ADCY9: variants seen among roughly 807,000 people sequenced by gnomAD.
The protein encoded by ADCY9 is adenylate cyclase type 9.
In ADCY9, 50 loss-of-function variants were observed where a neutral mutation model predicts 101.5. The ratio of observed to expected loss-of-function variants is 0.49; its 90% confidence interval spans 0.39 to 0.62. The LOEUF (loss-of-function observed/expected upper bound fraction) is 0.62. Among genes scored for constraint, ADCY9 ranks in the 20% least tolerant of loss-of-function variants. The pLI is 0.00. For missense variants in ADCY9, 1,662 were observed against 1,800.4 expected (o/e 0.92, Z 1.39); for synonymous variants, 905 against 769.3 (o/e 1.18, Z -2.92).
chr16:4,006,032 G>C (rs1235819988), intron 3 of ADCY9, among the ~76,000 whole-genome samples: 1 of 152,134 alleles, frequency 6.6e-6, no homozygotes, highest in African/African-American at 2.4e-5. Flanking sequence ...GGGAATCTCA[G>C]ATACATGAGC....
At position 4,114,018 on chromosome 16, in the gene ADCY9, C is replaced by G; in HGVS notation, c.1425G>C (p.Gln475His). The change falls in exon 2 of 11, where the codon CAG becomes CAC. Residue 475 changes from glutamine (Q) to histidine (H), a missense_variant. Transcript: ENST00000294016. This position sits in a 1 kb window ranked among gnomAD's most constrained non-coding sequence, Gnocchi z 4.3. ...MGLGMIKAIE[Q>H]FCQEKKEMVN... Reference sequence around the variant, plus strand: ...CCATCTCCTTCTTCTCCTGGCAGAACTGCTCGATGGCCTTGATCATGCCCA... The same window carrying G: ...CCATCTCCTTCTTCTCCTGGCAGAAGTGCTCGATGGCCTTGATCATGCCCA... 1 of 1,613,894 alleles carries G rather than the reference C, an allele frequency of 6.2e-7. No homozygotes were observed. Among genetic ancestry groups the G allele is most frequent in the Non-Finnish European group, 8.5e-7 (1 of 1,180,046 alleles).
chr16:3,988,580 G>T (rs1209068985), intron 6 of ADCY9, among the ~76,000 whole-genome samples: 1 of 130,466 alleles, frequency 7.7e-6, no homozygotes, highest in Non-Finnish European at 1.6e-5. Flanking sequence ...GCAGGTGGGG[G>T]ACCCCTTCCA....
At chr16:4,035,882 C>T (rs1477598900) in intron 2 of ADCY9, among the ~76,000 whole-genome samples, 1 of 151,252 alleles carries the variant, frequency 6.6e-6, no homozygotes, top group African/African-American at 2.4e-5. Flanking sequence ...GATTGTAATC[C>T]CAGCTACTTG....
chr16:3,963,540 G>A lies in ADCY9; in HGVS notation c.*2235C>T. On this transcript the variant is annotated 3_prime_UTR_variant, in exon 11 of 11. Transcript: ENST00000294016. ...TAAGCTCTGGGTGAGTCTGCACGGG[G>A]CTGAACCAGACTCCACTTTGCAGCT... 2.6e-6 allele frequency: 1 copy of A among 383,770 alleles called. No homozygotes were observed. The allele number at this position is 383,770 out of a possible 1,614,324, so 23.8% of individuals were successfully genotyped here.
chr16:3,994,218 T>C (rs1017247698), intron 3 of ADCY9, among the ~76,000 whole-genome samples: 7 of 152,134 alleles, frequency 4.6e-5, no homozygotes, highest in Admixed American at 3.9e-4. Flanking sequence ...GCACCATCTG[T>C]GAAGCAGGAA....
chr16:4,025,062 A>C (rs1439784742), intron 2 of ADCY9, among the ~76,000 whole-genome samples: 1 of 151,790 alleles, frequency 6.6e-6, no homozygotes, highest in Non-Finnish European at 1.5e-5. Context: ...CTGAGGAGGG[A>C]CAAAGGGGTA....
At chr16:4,113,457 C>T (rs1567153458) in intron 2 of ADCY9, among the ~76,000 whole-genome samples, 1 of 152,176 alleles carries the variant, frequency 6.6e-6, no homozygotes, top group Non-Finnish European at 1.5e-5. Context: ...TTACATTCAC[C>T]GGACGTGCCC....
At chr16:4,072,918 T>TTAC (rs1023469906) in intron 2 of ADCY9, among the ~76,000 whole-genome samples, 5 of 149,416 alleles carry the variant, frequency 3.3e-5, no homozygotes, top group African/African-American at 1.2e-4. Flanking sequence ...CAGAAGGCAG[T>TTAC]GGTGTGATAT....
chr16:4,039,801 G>A (rs911503207), intron 2 of ADCY9, among the ~76,000 whole-genome samples: 2 of 152,148 alleles, frequency 1.3e-5, no homozygotes, highest in African/African-American at 4.8e-5. Context: ...CCCTTTGGGA[G>A]GTCGAGGCAG....
At chr16:4,097,553 A>ATATATATATATTTTTTT (rs1382458827) in intron 2 of ADCY9, among the ~76,000 whole-genome samples, 7 of 53,414 alleles carry the variant, frequency 1.3e-4, no homozygotes, top group South Asian at 9.3e-4. Flanking sequence ...ATATATATAT[A>ATATATATATATTTTTTT]TTTTTTTTTT....
At chr16:4,029,751 A>G (rs1248714511) in intron 2 of ADCY9, among the ~76,000 whole-genome samples, 1 of 152,160 alleles carries the variant, frequency 6.6e-6, no homozygotes, top group Non-Finnish European at 1.5e-5. Flanking sequence ...TCTCAAGACA[A>G]TACAAAACAA....
intron 2 of ADCY9, among the ~76,000 whole-genome samples, chr16:4,017,579 G>C (rs1309107730): frequency 1.3e-5 from 2 of 151,090 alleles, no homozygotes; most frequent in Non-Finnish European, 2.9e-5. Flanking sequence ...AGGAGGCAGA[G>C]GTTGCAGTGA....
At chr16:3,991,301 G>T (rs1184572182) in intron 5 of ADCY9, among the ~76,000 whole-genome samples, 1 of 152,164 alleles carries the variant, frequency 6.6e-6, no homozygotes, top group South Asian at 2.1e-4. Flanking sequence ...ATCAAAATTA[G>T]TATCACTAAT....
chr16:4,019,834 T>C (rs1232690551), intron 2 of ADCY9, among the ~76,000 whole-genome samples: 1 of 152,150 alleles, frequency 6.6e-6, no homozygotes, highest in Non-Finnish European at 1.5e-5. Context: ...TCCCAGCACT[T>C]TGGGAGGCCA....
At chr16:4,044,935 G>A (rs1000264486) in intron 2 of ADCY9, among the ~76,000 whole-genome samples, 1 of 152,104 alleles carries the variant, frequency 6.6e-6, no homozygotes, top group Admixed American at 6.6e-5. Context: ...GCTCCCGCAC[G>A]TGACTGCCAA....
rs191389004 is a variant in ADCY9, at chr16:4,105,718, T to G, written c.1693+8032A>C. Among the ~76,000 whole-genome samples, 5 of 149,560 alleles carry G rather than the reference T, an allele frequency of 3.3e-5. No homozygotes were observed. In the East Asian group the frequency reaches 9.8e-4, roughly 29 times the overall value. On this transcript the variant is annotated intron_variant, in intron 2 of 10. Transcript: ENST00000294016. ...AAAAAATTAGTTGGATGTGGTGGCA[T>G]GCGCCTGTGTCCTAGCTACTGAAGA...
intron 10 of ADCY9, among the ~76,000 whole-genome samples, chr16:3,970,298 TG>T: frequency 6.6e-6 from 1 of 152,304 alleles, no homozygotes; most frequent in East Asian, 1.9e-4. Context: ...CCCCAAGTGC[TG>T]GGATTACAGG....
chr16:4,077,281 G>A (rs2056873752), intron 2 of ADCY9, among the ~76,000 whole-genome samples: 1 of 152,118 alleles, frequency 6.6e-6, no homozygotes, highest in South Asian at 2.1e-4. Context: ...CCCCCCCGAG[G>A]ACACTTCCTG....
intron 5 of ADCY9, among the ~76,000 whole-genome samples, chr16:3,990,689 G>A (rs1240466819): frequency 6.6e-6 from 1 of 152,230 alleles, no homozygotes; most frequent in Non-Finnish European, 1.5e-5. Flanking sequence ...CTCAGGGAGT[G>A]TGGACTGAGG....
Sources: gnomAD v4.1 joint callset for allele counts (sites outside exome capture counted in the v4.1 genomes callset) on GRCh38, gnomAD v4.1.1 for gene constraint, Gnocchi (gnomAD v3.1) non-coding constraint, MANE v1.5 for transcripts, NCBI Gene and HGNC (gene_info 2026-07-23, HGNC 2026-07-21) for gene names.